HAUS6: variants seen among roughly 807,000 people sequenced by gnomAD.
HAUS6 encodes HAUS augmin-like complex subunit 6.
In HAUS6, 80 loss-of-function variants were observed where a neutral mutation model predicts 106.8. The observed-to-expected ratio is 0.75, with a 90% confidence interval of 0.63 to 0.90. The LOEUF (loss-of-function observed/expected upper bound fraction) is 0.90. Ranked by LOEUF, HAUS6 falls within the 40% of genes least tolerant of loss-of-function variation. HAUS6 has a pLI of 0.00. For synonymous variants in HAUS6, 356 were observed against 379.1 expected, an observed-to-expected ratio of 0.94 and a Z score of 0.71; for missense variants, 1,155 against 1,118.1, an observed-to-expected ratio of 1.03 and a Z score of -0.47.
At chr9:19,073,058 T>C (rs557822713) in intron 11 of HAUS6, among the ~76,000 whole-genome samples, 3 of 152,270 alleles carry the variant, frequency 2.0e-5, no homozygotes, top group East Asian at 1.9e-4. Context: ...TCTATACATA[T>C]GTAATAAATT....
chr9:19,058,356 T>C lies in HAUS6; in HGVS notation c.2411A>G (p.Asn804Ser), dbSNP rs542826832. ...AAGAGTGCCACCATGCATAGGACTA[T>C]TTGGCTCCAGTTTAAAATTGGCCTC... ...SSEANFKLEP[N>S]SPMHGGTLLE... is the part of the protein sequence containing the mutation. The change falls in exon 16 of 17, where the codon AAT becomes AGT. Residue 804 changes from asparagine to serine, a missense_variant. Around this residue, in one of 3 missense-constraint regions of HAUS6, gnomAD observed 380 missense variants for 394.8 expected, o/e 0.96. Transcript: ENST00000380502. 1 of 1,613,944 alleles carries C rather than the reference T, an allele frequency of 6.2e-7. No homozygotes were observed. The highest frequency in any genetic ancestry group is 1.7e-5 in the Admixed American group (1 of 60,016).
At position 19,087,111 on chromosome 9, in the gene HAUS6, T is replaced by A. The variant is rs751402283; in HGVS notation, c.630A>T (p.Gly210=). The A allele has an allele frequency of 3.9e-6, 6 of 1,525,278 alleles. No individual in the cohort carries two copies. Among genetic ancestry groups the A allele is most frequent in the Non-Finnish European group, 5.5e-6 (6 of 1,099,598 alleles). The allele number at this position is 1,525,278 out of a possible 1,614,324, so 94.5% of individuals were successfully genotyped here. Residue 210 remains glycine (G), a synonymous_variant, in exon 6 of 17, where the codon GGA becomes GGT. Coordinates refer to ENST00000380502, the MANE Select transcript of HAUS6 (RefSeq NM_017645.5). The part of the protein sequence containing the change: ...QVRNLRSECI[G]LENQIKKMEP... Reference sequence around the variant, plus strand: ...CTTACTTCTTTATTTGGTTTTCCAATCCTATACATTCAGATCTCAAGTTTC... The same window carrying A: ...CTTACTTCTTTATTTGGTTTTCCAAACCTATACATTCAGATCTCAAGTTTC...
chr9:19,068,129 G>A (rs900368813), intron 12 of HAUS6, among the ~76,000 whole-genome samples: 1 of 151,926 alleles, frequency 6.6e-6, no homozygotes, highest in African/African-American at 2.4e-5. Context: ...CTCCCTCAAG[G>A]AAGACAAATC....
intron 12 of HAUS6, 98 bp from the exon 13 acceptor site, chr9:19,063,678 C>T (rs141345454): frequency 1.2e-6 from 1 of 864,628 alleles, no homozygotes; most frequent in Non-Finnish European, 2.0e-6. Context: ...CGTATCTGTC[C>T]GTTACGATTT....
intron 1 of HAUS6, among the ~76,000 whole-genome samples, chr9:19,099,314 C>A (rs1303981917): frequency 6.6e-6 from 1 of 151,740 alleles, no homozygotes; most frequent in Non-Finnish European, 1.5e-5. Context: ...CTACAGGCGC[C>A]CGCCAACACG....
chr9:19,085,524 G>T (rs1837269042), intron 7 of HAUS6, among the ~76,000 whole-genome samples: 1 of 151,132 alleles, frequency 6.6e-6, no homozygotes, highest in Middle Eastern at 3.2e-3. Context: ...CTTTACAGGT[G>T]ACAATGTGCC....
In HAUS6 at chr9:19,096,765, T is replaced by A. The variant is rs775706769; in HGVS notation, c.133A>T (p.Met45Leu). The change falls in exon 2 of 17, where the codon ATG (methionine) becomes TTG (leucine). Residue 45 changes from methionine to leucine, a missense_variant. Physicochemically the swap from Met to Leu is conservative, Grantham distance 15. Around this residue, in one of 3 missense-constraint regions of HAUS6, gnomAD observed 761 missense variants for 690.0 expected, o/e 1.10. Transcript: ENST00000380502. ...GCATCACGGTTCAGCTTGTCAAACATGTTCCTAGTGGTTAAAAATGAAATA... is the reference window on the plus strand; with the variant it reads ...GCATCACGGTTCAGCTTGTCAAACAAGTTCCTAGTGGTTAAAAATGAAATA... ...IVSHTHLGVNMFDKLNRDAFH... is the reference protein window; with the variant it reads ...IVSHTHLGVNLFDKLNRDAFH... The A allele has an allele frequency of 2.0e-6, 3 of 1,471,574 alleles. No homozygotes were observed. The highest frequency in any genetic ancestry group is 2.9e-5 in the African/African-American group (2 of 69,450). 91.2% of individuals were successfully genotyped at this position (1,471,574 alleles called of 1,614,324 possible). A position where few individuals can be genotyped will look rare whatever the true frequency, so the allele number is the denominator to read the frequency against.
In HAUS6 at chr9:19,087,088, T is replaced by G. The variant is rs1414203079; in HGVS notation, c.650+3A>C. The G allele has an allele frequency of 7.1e-7, 1 of 1,410,122 alleles. No individual in the cohort carries two copies. The highest frequency in any genetic ancestry group is 1.2e-5 in the South Asian group (1 of 86,734). 87.4% of individuals were successfully genotyped at this position (1,410,122 alleles called of 1,614,324 possible). A position where few individuals can be genotyped will look rare whatever the true frequency, so the allele number is the denominator to read the frequency against. On this transcript the variant is annotated splice_donor_region_variant and intron_variant, in intron 6 of 16. Transcript: ENST00000380502. ...GCAACTTCTAGCTCTAAAAGTCACT[T>G]ACTTCTTTATTTGGTTTTCCAATCC...
chr9:19,063,378 A>G (rs1012021060), intron 13 of HAUS6, 136 bp downstream of exon 13: 1 of 618,048 alleles, frequency 1.6e-6, no homozygotes, highest in African/African-American at 1.9e-5. Flanking sequence ...GAATATAAGT[A>G]GATATGGTAC....
chr9:19,057,887 T>C, intron 16 of HAUS6, 74 bp downstream of exon 16: 2 of 803,086 alleles, frequency 2.5e-6, no homozygotes, highest in Non-Finnish European at 4.0e-6. Context: ...GCAGCATTCT[T>C]TGTGTACTGG....
intron 7 of HAUS6, 111 bp downstream of exon 7, chr9:19,086,620 CAAA>C (rs372363190): frequency 9.5e-3 from 3,462 of 365,490 alleles, no homozygotes; most frequent in South Asian, 0.014. Flanking sequence ...ACTCCAACTC[CAAA>C]AAAAAAAAAA....
intron 1 of HAUS6, 41 bp downstream of exon 1, chr9:19,102,483 C>T (rs1329925401): frequency 8.1e-6 from 13 of 1,600,354 alleles, no homozygotes; most frequent in South Asian, 7.8e-5. Context: ...CGGCGTCCCC[C>T]GGTTCAGGCT....
intron 8 of HAUS6, among the ~76,000 whole-genome samples, chr9:19,081,773 C>A (rs546720061): frequency 1.2e-4 from 18 of 151,736 alleles, no homozygotes; most frequent in Non-Finnish European, 2.2e-4. Flanking sequence ...AGATTTCACA[C>A]AAAAATTATG....
chr9:19,067,112 T>C (rs1244651108), intron 12 of HAUS6, among the ~76,000 whole-genome samples: 1 of 152,206 alleles, frequency 6.6e-6, no homozygotes. Flanking sequence ...CTCTAAAAAC[T>C]ACATTCTTTC....
intron 1 of HAUS6, among the ~76,000 whole-genome samples, chr9:19,099,244 G>C (rs188191993): frequency 1.3e-5 from 2 of 150,062 alleles, no homozygotes; most frequent in Non-Finnish European, 3.0e-5. Context: ...TCGGCTCACT[G>C]CAAGCTCTGC....
At chr9:19,066,060 T>C in intron 12 of HAUS6, among the ~76,000 whole-genome samples, 1 of 151,042 alleles carries the variant, frequency 6.6e-6, no homozygotes, top group East Asian at 2.0e-4. Context: ...CCCAGCCTCC[T>C]GAGTAGCTGG....
chr9:19,101,299 T>C (rs1307960969), intron 1 of HAUS6, among the ~76,000 whole-genome samples: 3 of 152,090 alleles, frequency 2.0e-5, no homozygotes, highest in Non-Finnish European at 4.4e-5. Context: ...GGCGGGGGGA[T>C]TGCTGGAGGC....
At chr9:19,095,114 G>A (rs1202584663) in intron 2 of HAUS6, among the ~76,000 whole-genome samples, 2 of 151,316 alleles carry the variant, frequency 1.3e-5, no homozygotes, top group Non-Finnish European at 2.9e-5. Context: ...AGAAAAAATG[G>A]CATACAAGAT....
At chr9:19,085,434 A>C (rs781614419) in intron 7 of HAUS6, among the ~76,000 whole-genome samples, 5 of 152,224 alleles carry the variant, frequency 3.3e-5, no homozygotes, top group African/African-American at 1.2e-4. Context: ...TTGTAGCCCT[A>C]ATGTCTACGA....
Sources: gnomAD v4.1 joint callset for allele counts (sites outside exome capture counted in the v4.1 genomes callset) on GRCh38, gnomAD v4.1.1 for gene constraint, gnomAD v4.1.1 regional missense constraint, MANE v1.5 for transcripts, NCBI Gene and HGNC (gene_info 2026-07-23, HGNC 2026-07-21) for gene names.